Variants in ADAMTS9 observed in about 807,000 individuals in gnomAD.
ADAMTS9 encodes ADAM metallopeptidase with thrombospondin type 1 motif 9, also known as A disintegrin and metalloproteinase with thrombospondin motifs 9.
In ADAMTS9, 107 loss-of-function variants were observed where a neutral mutation model predicts 257.1. That is an observed-to-expected ratio of 0.42 (90% CI 0.36 to 0.49). ADAMTS9 has a LOEUF of 0.49. Ranked by LOEUF, ADAMTS9 falls within the 20% of genes least tolerant of loss-of-function variation. The pLI, the probability that ADAMTS9 is intolerant of heterozygous loss-of-function variation, is 0.03. For synonymous variants in ADAMTS9, 982 were observed against 880.9 expected (o/e 1.11, Z -2.03); for missense variants, 2,353 against 2,469.1 (o/e 0.95, Z 1.00).
At chr3:64,605,013 A>G (rs1277617424) in intron 23 of ADAMTS9, among the ~76,000 whole-genome samples, 7 of 152,254 alleles carry the variant, frequency 4.6e-5, no homozygotes, top group Admixed American at 4.6e-4. Flanking sequence ...ATACATATTC[A>G]TCAAATGCCT....
Position 64,621,305 on chromosome 3 carries a change from C to T in ADAMTS9, c.2687-65G>A, listed in dbSNP as rs954236732. The T allele has an allele frequency of 3.2e-5, 49 of 1,515,418 alleles. No homozygotes were observed. The Admixed American group carries it at 6.9e-4, about 21-fold the overall frequency. The allele number at this position is 1,515,418 out of a possible 1,614,324, so 93.9% of individuals were successfully genotyped here. A position where few individuals can be genotyped will look rare whatever the true frequency, so the allele number is the denominator to read the frequency against. On this transcript the variant is annotated intron_variant, in intron 18 of 39. Transcript: ENST00000498707. ...TCTATTCCATAAACTATTTAGACCC[C>T]GGATTGGCAAGCATTTTCTCTAAAG...
intron 37 of ADAMTS9, among the ~76,000 whole-genome samples, chr3:64,536,011 A>T (rs2083044858): frequency 2.0e-5 from 3 of 152,164 alleles, no homozygotes; most frequent in Admixed American, 2.0e-4. Context: ...AAGAGAAAGG[A>T]GACTTGATCT....
chr3:64,544,564 T>C (rs550339816), intron 32 of ADAMTS9, among the ~76,000 whole-genome samples: 1 of 152,318 alleles, frequency 6.6e-6, no homozygotes, highest in South Asian at 2.1e-4. Context: ...TAGCCATATG[T>C]AGAAAGCTGA....
chr3:64,661,622 G>A (rs773875886), intron 3 of ADAMTS9, among the ~76,000 whole-genome samples: 89 of 152,222 alleles, frequency 5.8e-4, no homozygotes, highest in Middle Eastern at 3.4e-3. Context: ...CAACAGCTAC[G>A]GTTTGAAATG....
intron 8 of ADAMTS9, among the ~76,000 whole-genome samples, chr3:64,654,045 G>A (rs987937656): frequency 1.3e-5 from 2 of 152,178 alleles, no homozygotes; most frequent in Non-Finnish European, 2.9e-5. Context: ...TCAGTAGAAG[G>A]AATGGAAAGA....
chr3:64,665,324 A>T (rs1247120931), intron 3 of ADAMTS9, among the ~76,000 whole-genome samples: 1 of 152,168 alleles, frequency 6.6e-6, no homozygotes, highest in Non-Finnish European at 1.5e-5. Flanking sequence ...TCATGCAATG[A>T]AGGGAGGGAG....
intron 30 of ADAMTS9, among the ~76,000 whole-genome samples, chr3:64,557,007 G>T (rs2083346510): frequency 6.6e-6 from 1 of 152,200 alleles, no homozygotes; most frequent in Non-Finnish European, 1.5e-5. Context: ...CAGGCAATGA[G>T]AATTCCAGGT....
chr3:64,687,797 T>C lies in ADAMTS9; in HGVS notation c.-140A>G. ...GCCAACTTTTGACTTTAGGAGTCGCTGAGGTCTCGCTGCGAGGGTCCCGTC... is the reference window on the plus strand; with the variant it reads ...GCCAACTTTTGACTTTAGGAGTCGCCGAGGTCTCGCTGCGAGGGTCCCGTC... On this transcript the variant is annotated 5_prime_UTR_variant, in exon 1 of 40. Transcript: ENST00000498707. The surrounding 1 kb of genome is among the most constrained non-coding windows in gnomAD (Gnocchi z 4.4). 3.4e-6 allele frequency: 2 copies of C among 595,804 alleles called. No individual in the cohort carries two copies. Among genetic ancestry groups the C allele is most frequent in the Non-Finnish European group, 5.6e-6 (2 of 358,614 alleles). 36.9% of individuals were successfully genotyped at this position (595,804 alleles called of 1,614,324 possible).
At chr3:64,584,818 G>T (rs949225218) in intron 28 of ADAMTS9, among the ~76,000 whole-genome samples, 3 of 151,966 alleles carry the variant, frequency 2.0e-5, no homozygotes, top group African/African-American at 4.8e-5. Context: ...GTAATTTAGA[G>T]ACATAACATC....
In ADAMTS9 at chr3:64,570,695, C is replaced by CAAAA. The variant is rs143048322; in HGVS notation, c.4357-2164_4357-2161dup. Among the ~76,000 whole-genome samples, 27 of 47,066 alleles carry CAAAA rather than the reference C, an allele frequency of 5.7e-4. 1 individual carries two copies. Among genetic ancestry groups the CAAAA allele is most frequent in the East Asian group, 1.8e-3 (2 of 1,090 alleles). The allele number at this position is 47,066 out of a possible 152,430, so 30.9% of individuals were successfully genotyped here. On this transcript the variant is annotated intron_variant, in intron 28 of 39. Transcript: ENST00000498707. ...TGGGCGAAAGAGCAAGACTCCGTCT[C>CAAAA]AAAAAAAAAAAAAAAAAAAAAAAAA... is the stretch of plus-strand genomic sequence containing the variant.
intron 27 of ADAMTS9, among the ~76,000 whole-genome samples, chr3:64,595,404 C>G (rs565588728): frequency 2.0e-5 from 3 of 152,332 alleles, no homozygotes; most frequent in Admixed American, 1.3e-4. Context: ...AATCCAGCAA[C>G]ACTGACATTT....
chr3:64,526,804 T>A (rs533436787), intron 38 of ADAMTS9, among the ~76,000 whole-genome samples: 1 of 152,200 alleles, frequency 6.6e-6, no homozygotes, highest in Non-Finnish European at 1.5e-5. Flanking sequence ...AAGGAGATAA[T>A]GCATGTAATG....
In ADAMTS9 at chr3:64,687,514, CG is replaced by C; in HGVS notation, c.115+28del. ...GACCGGGAGGCGGCGTCGGGGCCGG[CG>C]GGGTCCCGGGGGCCGGAGCCTGGTT... On this transcript the variant is annotated intron_variant, in intron 1 of 39. Coordinates refer to ENST00000498707, the MANE Select transcript of ADAMTS9 (RefSeq NM_182920.2). The surrounding 1 kb of genome is among the most constrained non-coding windows in gnomAD (Gnocchi z 4.4). 1 of 1,497,822 alleles carries C rather than the reference CG, an allele frequency of 6.7e-7. No homozygotes were observed. The highest frequency in any genetic ancestry group is 9.0e-7 in the Non-Finnish European group (1 of 1,115,850). 92.8% of individuals were successfully genotyped at this position (1,497,822 alleles called of 1,614,324 possible).
chr3:64,629,043 C>T (rs1700300575), intron 16 of ADAMTS9, among the ~76,000 whole-genome samples: 2 of 152,144 alleles, frequency 1.3e-5, no homozygotes, highest in Admixed American at 1.3e-4. Context: ...ACTTTTAACT[C>T]CTTTGTACCT....
At position 64,647,793 on chromosome 3, in the gene ADAMTS9, C is replaced by G. The variant is rs1261597637; in HGVS notation, c.1710+147G>C. The G allele has an allele frequency of 8.6e-6, 5 of 581,396 alleles. No homozygotes were observed. The Admixed American group carries it at 1.5e-4, about 17-fold the overall frequency. 36.0% of individuals were successfully genotyped at this position (581,396 alleles called of 1,614,324 possible). A position where few individuals can be genotyped will look rare whatever the true frequency, so the allele number is the denominator to read the frequency against. ...AGTTTCACAATTTTTAATTGTCTAA[C>G]TTCTAAACATCTGTCCTCTAAAAAA... On this transcript the variant is annotated intron_variant, in intron 11 of 39. Transcript: ENST00000498707.
At chr3:64,633,340 G>C in intron 14 of ADAMTS9, 132 bp downstream of exon 14, 1 of 1,353,862 alleles carries the variant, frequency 7.4e-7, no homozygotes, top group Non-Finnish European at 1.0e-6. Context: ...GCTGATCCCG[G>C]GGCCACACTT....
intron 4 of ADAMTS9, among the ~76,000 whole-genome samples, chr3:64,656,787 G>A (rs1701083653): frequency 6.6e-6 from 1 of 152,020 alleles, no homozygotes; most frequent in South Asian, 2.1e-4. Flanking sequence ...GGCAGGGTTG[G>A]GGGGCGCAGA....
chr3:64,608,809 C>G (rs1018294226), intron 22 of ADAMTS9, among the ~76,000 whole-genome samples: 1 of 151,512 alleles, frequency 6.6e-6, no homozygotes, highest in Non-Finnish European at 1.5e-5. Context: ...TACCCTAACA[C>G]CATAGCCGAA....
At chr3:64,532,918 A>G (rs1330002832) in intron 38 of ADAMTS9, among the ~76,000 whole-genome samples, 1 of 152,134 alleles carries the variant, frequency 6.6e-6, no homozygotes, top group Non-Finnish European at 1.5e-5. Context: ...TTTTCTAATT[A>G]CTTGGATGGT....
Sources: allele counts gnomAD v4.1 joint callset (sites outside exome capture counted in the v4.1 genomes callset), GRCh38; gene constraint gnomAD v4.1.1; non-coding constraint Gnocchi (gnomAD v3.1); transcripts MANE v1.5; gene names NCBI Gene and HGNC (gene_info 2026-07-23, HGNC 2026-07-21).